The following AGBL1 variants were observed in gnomAD, a reference collection of about 807,000 sequenced individuals.
The protein encoded by AGBL1 is AGBL carboxypeptidase 1.
A neutral mutation model predicts 118.9 loss-of-function variants in AGBL1; 130 were observed. That is an observed-to-expected ratio of 1.09 (90% CI 0.95 to 1.26). The LOEUF is 1.26. Ranked by LOEUF, AGBL1 falls within the 50% of genes most tolerant of loss-of-function variation. AGBL1 has a pLI of 0.00. For synonymous variants in AGBL1, 555 were observed against 478.9 expected (o/e 1.16, Z -2.08); for missense variants, 1,584 against 1,298.1 (o/e 1.22, Z -3.38).
intron 18 of AGBL1, among the ~76,000 whole-genome samples, chr15:86,430,664 C>T (rs144838107): frequency 3.3e-5 from 5 of 152,158 alleles, no homozygotes; most frequent in Admixed American, 2.6e-4. Flanking sequence ...TTAATAGATG[C>T]ATCAGTAATT....
intron 22 of AGBL1, among the ~76,000 whole-genome samples, chr15:86,893,860 T>C (rs1476144256): frequency 6.6e-6 from 1 of 152,202 alleles, no homozygotes; most frequent in Non-Finnish European, 1.5e-5. Context: ...TGCTATGGCA[T>C]TCATTTCTAT....
intron 16 of AGBL1, among the ~76,000 whole-genome samples, chr15:86,281,330 C>T (rs940009540): frequency 2.6e-5 from 4 of 152,062 alleles, no homozygotes; most frequent in Admixed American, 6.6e-5. Context: ...CTGCAGTGAG[C>T]CAGGATCACA....
At chr15:86,750,771 C>T (rs1239845695) in intron 22 of AGBL1, among the ~76,000 whole-genome samples, 1 of 151,816 alleles carries the variant, frequency 6.6e-6, no homozygotes, top group Non-Finnish European at 1.5e-5. Flanking sequence ...GTTATTTTTT[C>T]TCGTCCTTTG....
Position 86,270,005 on chromosome 15 carries a change from C to A in AGBL1, c.1925C>A (p.Ala642Glu), listed in dbSNP as rs377383541. 9.3e-6 allele frequency: 15 copies of A among 1,613,538 alleles called. No individual in the cohort carries two copies. Among genetic ancestry groups the A allele is most frequent in the Non-Finnish European group, 1.3e-5 (15 of 1,179,732 alleles). ...TATTTCAAAGTGAGCGGTATGCAGG[C>A]GGCCATCCCTTACCACTTCAACATC... ...WFYFKVSGMQ[A>E]AIPYHFNIIN... Residue 642 changes from alanine (A) to glutamate (E), a missense_variant, in exon 14 of 23, where the codon GCG becomes GAG. Ala to Glu is a moderately radical substitution (Grantham distance 107). Transcript: ENST00000614907.
chr15:86,726,370 G>A (rs1033152812), intron 22 of AGBL1, among the ~76,000 whole-genome samples: 1 of 152,148 alleles, frequency 6.6e-6, no homozygotes, highest in Non-Finnish European at 1.5e-5. Flanking sequence ...GGACCTCAGA[G>A]TCAGGCATAA....
In AGBL1 at chr15:86,244,063, GTAAA is replaced by G. The variant is rs10667570; in HGVS notation, c.527-3585_527-3582del. Among the ~76,000 whole-genome samples, 683 of 143,892 alleles carry G rather than the reference GTAAA, an allele frequency of 4.7e-3. 1 individual carries two copies. Among genetic ancestry groups the G allele is most frequent in the Non-Finnish European group, 6.9e-3 (460 of 66,542 alleles). 94.4% of individuals were successfully genotyped at this position (143,892 alleles called of 152,430 possible). A position where few individuals can be genotyped will look rare whatever the true frequency, so the allele number is the denominator to read the frequency against. On this transcript the variant is annotated intron_variant, in intron 6 of 22. Coordinates refer to ENST00000614907, the MANE Select transcript of AGBL1 (RefSeq NM_001386094.1). ...GATAGATAGATAGATAGATAAATAA[GTAAA>G]TAAATAAATAAATAAATAAATATAT... is the stretch of plus-strand genomic sequence containing the variant.
chr15:86,284,040 T>C (rs2079400133), intron 16 of AGBL1, among the ~76,000 whole-genome samples: 1 of 151,906 alleles, frequency 6.6e-6, no homozygotes, highest in Non-Finnish European at 1.5e-5. Flanking sequence ...TAATTGCTAA[T>C]TGGAAAGTTT....
At chr15:86,135,942 C>T (rs932322162) in intron 1 of AGBL1, among the ~76,000 whole-genome samples, 7 of 152,180 alleles carry the variant, frequency 4.6e-5, no homozygotes, top group African/African-American at 1.4e-4. Context: ...AAGCCAGCTG[C>T]CATGGAAGAG....
At chr15:86,116,098 G>T (rs1270623868) in intron 1 of AGBL1, among the ~76,000 whole-genome samples, 1 of 152,162 alleles carries the variant, frequency 6.6e-6, no homozygotes, top group Non-Finnish European at 1.5e-5. Context: ...AGAATTTATT[G>T]AGTGCCATTG....
intron 22 of AGBL1, among the ~76,000 whole-genome samples, chr15:86,725,400 A>C (rs2086804188): frequency 6.6e-6 from 1 of 152,052 alleles, no homozygotes; most frequent in Non-Finnish European, 1.5e-5. Context: ...AGGGAAAGGG[A>C]TGGTTTAAAG....
At position 87,008,698 on chromosome 15, in the gene AGBL1, C is replaced by T. The variant is rs148248700; in HGVS notation, c.3324-20127C>T. ...CTGGAGACTTGTTGAATGGCTTTGA[C>T]CAAAATGATATGGACAATGAAATCC... On this transcript the variant is annotated intron_variant, in intron 24 of 24. Coordinates refer to the AGBL1 transcript ENST00000441037. Among the ~76,000 whole-genome samples the T allele has an allele frequency of 4.3e-3, 660 of 152,150 alleles. 8 individuals carry two copies. Among genetic ancestry groups the T allele is most frequent in the African/African-American group, 0.015 (636 of 41,516 alleles).
At position 86,512,454 on chromosome 15, in the gene AGBL1, C is replaced by T. The variant is rs185745338; in HGVS notation, c.2556-10356C>T. On this transcript the variant is annotated intron_variant, in intron 18 of 22. Transcript: ENST00000614907. ...ATTTTTATTTAATACTTTGAATATCCTTGTTCAATTTTCTTTTGAAACATT... is the reference window on the plus strand; with the variant it reads ...ATTTTTATTTAATACTTTGAATATCTTTGTTCAATTTTCTTTTGAAACATT... Among the ~76,000 whole-genome samples the T allele has an allele frequency of 9.6e-3, 1,457 of 151,586 alleles. 18 individuals are homozygous for T. The highest frequency in any genetic ancestry group is 0.034 in the African/African-American group (1,392 of 41,358).
At chr15:86,344,686 A>G (rs2080510595) in intron 17 of AGBL1, among the ~76,000 whole-genome samples, 2 of 151,966 alleles carry the variant, frequency 1.3e-5, no homozygotes, top group South Asian at 4.2e-4. Flanking sequence ...AGTGATAGTA[A>G]TAACACCTCC....
At chr15:86,346,043 C>T (rs7181831) in intron 17 of AGBL1, among the ~76,000 whole-genome samples, 4,179 of 151,458 alleles carry the variant, frequency 0.028, 83 homozygotes, top group Middle Eastern at 0.066. Flanking sequence ...AGTGTAATGG[C>T]GTGATCTCGG....
intron 23 of AGBL1, among the ~76,000 whole-genome samples, chr15:86,953,427 T>A (rs2080899013): frequency 6.7e-6 from 1 of 149,760 alleles, no homozygotes; most frequent in South Asian, 2.1e-4. Context: ...TGACAGCATC[T>A]CATGTCAGGC....
Position 86,315,575 on chromosome 15 carries a change from G to A in AGBL1, c.2374+20167G>A, listed in dbSNP as rs145619453. On this transcript the variant is annotated intron_variant, in intron 17 of 22. Transcript: ENST00000614907. ...CTAATAATACAAAAAAAAACTAGCCGAGTGAGGTGGTGCGCGCCTGTAGTC... is the reference window on the plus strand; with the variant it reads ...CTAATAATACAAAAAAAAACTAGCCAAGTGAGGTGGTGCGCGCCTGTAGTC... Among the ~76,000 whole-genome samples the A allele has an allele frequency of 4.0e-3, 613 of 151,904 alleles. 6 individuals carry two copies. The highest frequency in any genetic ancestry group is 0.013 in the African/African-American group (526 of 41,412).
At chr15:86,744,216 A>T (rs1480389157) in intron 22 of AGBL1, among the ~76,000 whole-genome samples, 1 of 152,162 alleles carries the variant, frequency 6.6e-6, no homozygotes, top group African/African-American at 2.4e-5. Context: ...AGGAATAATT[A>T]GCTTTGGAAA....
intron 22 of AGBL1, among the ~76,000 whole-genome samples, chr15:86,678,385 A>T (rs1000934053): frequency 5.9e-5 from 9 of 152,138 alleles, no homozygotes; most frequent in Non-Finnish European, 1.0e-4. Flanking sequence ...TTAATTTAGA[A>T]TTTGATGTTT....
chr15:86,511,258 G>A (rs796724410), intron 18 of AGBL1, among the ~76,000 whole-genome samples: 4 of 152,100 alleles, frequency 2.6e-5, no homozygotes, highest in African/African-American at 9.6e-5. Flanking sequence ...GACAGCACTG[G>A]CCTCACATCC....
Sources: allele counts gnomAD v4.1 joint callset (sites outside exome capture counted in the v4.1 genomes callset), GRCh38; gene constraint gnomAD v4.1.1; transcripts MANE v1.5; gene names NCBI Gene and HGNC (gene_info 2026-07-23, HGNC 2026-07-21).